VPS50: variants seen among roughly 807,000 people sequenced by gnomAD.
VPS50 encodes the protein syndetin.
In VPS50, 70 loss-of-function variants were observed where a neutral mutation model predicts 139.7. The observed-to-expected ratio is 0.50, with a 90% CI of 0.41 to 0.61. The LOEUF (loss-of-function observed/expected upper bound fraction) is 0.61, where lower values mean the gene tolerates loss of function less well. Among genes scored for constraint, VPS50 ranks in the 20% least tolerant of loss-of-function variants. The pLI, the probability that VPS50 is intolerant of heterozygous loss-of-function variation, is 0.00. For synonymous variants in VPS50, 365 were observed against 376.7 expected (o/e 0.97, Z 0.36); for missense variants, 921 against 1,133.7 (o/e 0.81, Z 2.69).
In VPS50 at chr7:93,259,542, A is replaced by T. The variant is rs776572775; in HGVS notation, c.577-8A>T. 6.7e-7 allele frequency: 1 copy of T among 1,498,560 alleles called. No individual in the cohort carries two copies. The highest frequency in any genetic ancestry group is 9.3e-7 in the Non-Finnish European group (1 of 1,078,012). 92.8% of individuals were successfully genotyped at this position (1,498,560 alleles called of 1,614,324 possible). On this transcript the variant is annotated splice_polypyrimidine_tract_variant and splice_region_variant and intron_variant, in intron 8 of 27. Transcript: ENST00000305866. ...TATTCCAATGACTCCTGTTGTTGTT[A>T]CCTTAAGGAGGAAGATTATCCAGGA... is the stretch of plus-strand genomic sequence containing the variant.
At chr7:93,342,097 T>A (rs962280880) in intron 23 of VPS50, among the ~76,000 whole-genome samples, 1 of 152,120 alleles carries the variant, frequency 6.6e-6, no homozygotes, top group African/African-American at 2.4e-5. Context: ...TGCCAGACAG[T>A]GGGCGCAGGT....
In VPS50 at chr7:93,301,038, T is replaced by C. The variant is rs1301524218; in HGVS notation, c.1362-2422T>C. 2.0e-5 allele frequency among the ~76,000 whole-genome samples: 3 copies of C among 152,120 alleles called. No homozygotes were observed. The East Asian group carries it at 5.8e-4, about 29-fold the overall frequency. On this transcript the variant is annotated intron_variant, in intron 16 of 27. Transcript: ENST00000305866. ...GGGGCCGGGCACAATGGTTCACGCC[T>C]ATAATCCCAGCACTTTGGGAGGCCA...
intron 12 of VPS50, among the ~76,000 whole-genome samples, chr7:93,277,005 AG>A (rs1209615208): frequency 6.6e-6 from 1 of 152,170 alleles, no homozygotes; most frequent in Non-Finnish European, 1.5e-5. Flanking sequence ...ATCAGGGCTG[AG>A]TTTGTAAATT....
chr7:93,258,397 G>A lies in VPS50; in HGVS notation c.576+5G>A. The A allele has an allele frequency of 6.2e-7, 1 of 1,611,972 alleles. No individual in the cohort carries two copies. Among genetic ancestry groups the A allele is most frequent in the Non-Finnish European group, 8.5e-7 (1 of 1,178,376 alleles). On this transcript the variant is annotated splice_donor_5th_base_variant and intron_variant, in intron 8 of 27. Transcript: ENST00000305866. ...CGGTTAAGTGAAATGCTGGAGGTAA[G>A]TTAACAAGTTTTGGAAATTTAGGGT...
At chr7:93,354,551 T>TC (rs1798646896) in intron 26 of VPS50, among the ~76,000 whole-genome samples, 1 of 152,114 alleles carries the variant, frequency 6.6e-6, no homozygotes, top group Non-Finnish European at 1.5e-5. Context: ...CACCTAAGCC[T>TC]CCCAAAGTAC....
chr7:93,297,882 C>T (rs117617911), intron 16 of VPS50, among the ~76,000 whole-genome samples: 3,185 of 152,182 alleles, frequency 0.021, 61 homozygotes, highest in Non-Finnish European at 0.032. Flanking sequence ...ATAAGCTAGA[C>T]CCCAAGTTGT....
chr7:93,318,666 T>C (rs999039817), intron 20 of VPS50, among the ~76,000 whole-genome samples: 1 of 152,184 alleles, frequency 6.6e-6, no homozygotes, highest in Non-Finnish European at 1.5e-5. Flanking sequence ...TTTACTTTTG[T>C]AGGAACCCAA....
intron 12 of VPS50, among the ~76,000 whole-genome samples, chr7:93,290,035 CTT>C (rs965310426): frequency 4.0e-5 from 6 of 151,892 alleles, no homozygotes; most frequent in South Asian, 2.1e-4. Flanking sequence ...AAAATTCTCT[CTT>C]GTTATTATAA....
At chr7:93,352,995 C>T (rs972026046) in intron 25 of VPS50, among the ~76,000 whole-genome samples, 47 of 152,064 alleles carry the variant, frequency 3.1e-4, no homozygotes, top group African/African-American at 1.1e-3. Context: ...CTCAGAGGAA[C>T]TGGTCATTGG....
At chr7:93,249,784 T>C (rs1795264788) in intron 2 of VPS50, among the ~76,000 whole-genome samples, 1 of 152,108 alleles carries the variant, frequency 6.6e-6, no homozygotes, top group African/African-American at 2.4e-5. Flanking sequence ...GGGAAAGAGA[T>C]TTCCAGGAAG....
At chr7:93,272,784 C>T (rs375426946) in intron 11 of VPS50, 51 bp downstream of exon 11, 5 of 826,982 alleles carry the variant, frequency 6.0e-6, no homozygotes, top group East Asian at 2.6e-5. Flanking sequence ...AATTTGTTGT[C>T]CTTCATGATT....
chr7:93,242,969 G>A (rs1795040013), intron 2 of VPS50, among the ~76,000 whole-genome samples: 1 of 151,914 alleles, frequency 6.6e-6, no homozygotes. Flanking sequence ...AAGGGCACTA[G>A]GTGTGCTTGA....
intron 13 of VPS50, among the ~76,000 whole-genome samples, chr7:93,293,803 G>A (rs1487774175): frequency 1.3e-5 from 2 of 152,130 alleles, no homozygotes; most frequent in African/African-American, 4.8e-5. Flanking sequence ...TAAGGCTTAC[G>A]TTTTAGGAGT....
Position 93,262,921 on chromosome 7 carries a change from T to G in VPS50, c.659+3289T>G, listed in dbSNP as rs535802088. On this transcript the variant is annotated intron_variant, in intron 9 of 27. Coordinates refer to ENST00000305866, the MANE Select transcript of VPS50 (RefSeq NM_017667.4). ...CTTTTGTAGATGATATAATGTGGGA[T>G]ATAAGGATAGAGTTAGTTGACATGT... Among the ~76,000 whole-genome samples the G allele has an allele frequency of 1.2e-4, 19 of 152,352 alleles. No individual in the cohort carries two copies. The South Asian group carries it at 3.9e-3, about 32-fold the overall frequency.
intron 12 of VPS50, among the ~76,000 whole-genome samples, chr7:93,284,396 T>TTG (rs1179821844): frequency 2.6e-5 from 4 of 152,366 alleles, no homozygotes. Context: ...TTTTCTAATA[T>TTG]TGAGCTGTCT....
chr7:93,289,974 G>C (rs766584589), intron 12 of VPS50, among the ~76,000 whole-genome samples: 1 of 151,960 alleles, frequency 6.6e-6, no homozygotes, highest in Non-Finnish European at 1.5e-5. Flanking sequence ...TCTCTTGGGA[G>C]TGTTTCATGG....
intron 23 of VPS50, among the ~76,000 whole-genome samples, chr7:93,345,564 T>C (rs1453264263): frequency 1.3e-5 from 2 of 152,138 alleles, no homozygotes; most frequent in Non-Finnish European, 2.9e-5. Context: ...TGAACATTGA[T>C]GCAAAAATCC....
chr7:93,302,248 A>G (rs1796997833), intron 16 of VPS50, among the ~76,000 whole-genome samples: 1 of 152,070 alleles, frequency 6.6e-6, no homozygotes, highest in Admixed American at 6.6e-5. Context: ...TTATGTCTTC[A>G]AATATTGCTT....
chr7:93,341,543 G>C lies in VPS50; in HGVS notation c.2175G>C (p.Gly725=), dbSNP rs1172449565. The part of the protein sequence containing the change: ...VVLTSGDTLY[G]LAERVVATES... ...TGACATCTGGGGATACGCTGTATGGGTTGGCAGAAAGAGTGGTAGCCACGG... is the reference window on the plus strand; with the variant it reads ...TGACATCTGGGGATACGCTGTATGGCTTGGCAGAAAGAGTGGTAGCCACGG... The change falls in exon 23 of 28, where the codon GGG becomes GGC. Residue 725 remains glycine, a synonymous_variant. Transcript: ENST00000305866. The C allele has an allele frequency of 6.2e-7, 1 of 1,610,830 alleles. No individual in the cohort carries two copies. The highest frequency in any genetic ancestry group is 1.7e-4 in the Middle Eastern group (1 of 6,060).
Sources: allele counts gnomAD v4.1 joint callset (sites outside exome capture counted in the v4.1 genomes callset), GRCh38; gene constraint gnomAD v4.1.1; transcripts MANE v1.5; gene names NCBI Gene and HGNC (gene_info 2026-07-23, HGNC 2026-07-21).